OLR1: variants seen among roughly 807,000 people sequenced by gnomAD.
The protein encoded by OLR1 is oxidized low density lipoprotein receptor 1.
Under a neutral mutation model 31.7 loss-of-function variants are expected in OLR1, and 23 were observed. The ratio of observed to expected loss-of-function variants is 0.72; its 90% CI spans 0.52 to 1.03. The LOEUF is 1.03. Ranked by LOEUF, OLR1 falls within the 50% of genes least tolerant of loss-of-function variation. The pLI, the probability that OLR1 is intolerant of heterozygous loss-of-function variation, is 0.00. For synonymous variants in OLR1, 117 were observed against 115.8 expected (o/e 1.01, Z -0.07); for missense variants, 286 against 315.7 (o/e 0.91, Z 0.71).
At chr12:10,160,209 G>A (rs1387571098) in intron 5 of OLR1, 138 bp downstream of exon 5, 1 of 908,634 alleles carries the variant, frequency 1.1e-6, no homozygotes, top group Non-Finnish European at 1.7e-6. Context: ...GGTAAGGAAG[G>A]AGACTTTGAG....
upstream of OLR1, among the ~76,000 whole-genome samples, chr12:10,172,884 T>C (rs941049538): frequency 1.3e-5 from 2 of 152,182 alleles, no homozygotes; most frequent in African/African-American, 4.8e-5. Flanking sequence ...CTGATAACAT[T>C]GTTATAGGAA....
upstream of OLR1, among the ~76,000 whole-genome samples, chr12:10,175,879 C>G (rs1453270985): frequency 6.6e-6 from 1 of 152,210 alleles, no homozygotes; most frequent in Non-Finnish European, 1.5e-5. Flanking sequence ...CTGACTTAGG[C>G]AAGGTCAAAA....
intron 3 of OLR1, among the ~76,000 whole-genome samples, chr12:10,161,282 G>T (rs923421525): frequency 6.6e-6 from 1 of 152,146 alleles, no homozygotes; most frequent in Non-Finnish European, 1.5e-5. Flanking sequence ...TTCTCATTTA[G>T]CATTTTCACT....
At chr12:10,168,128 C>A (rs1019770687) in intron 2 of OLR1, among the ~76,000 whole-genome samples, 9 of 152,316 alleles carry the variant, frequency 5.9e-5, no homozygotes, top group African/African-American at 2.2e-4. Flanking sequence ...GTAGCCTAAA[C>A]AACTCAGTTC....
chr12:10,167,047 T>C, intron 2 of OLR1, 90 bp from the exon 3 acceptor site: 7 of 1,287,350 alleles, frequency 5.4e-6, no homozygotes, highest in Non-Finnish European at 7.5e-6. Flanking sequence ...GAATTAAATC[T>C]ATTTTGACAA....
chr12:10,160,668 A>T, intron 4 of OLR1, 118 bp downstream of exon 4: 1 of 1,340,574 alleles, frequency 7.5e-7, no homozygotes, highest in Non-Finnish European at 1.0e-6. Flanking sequence ...TGATCAGACT[A>T]AGCTAAAAAA....
chr12:10,164,770 G>A (rs1320966194), intron 3 of OLR1, among the ~76,000 whole-genome samples: 1 of 152,166 alleles, frequency 6.6e-6, no homozygotes, highest in Non-Finnish European at 1.5e-5. Context: ...AGTAGCTTCT[G>A]TAACAATATC....
chr12:10,168,647 C>T (rs1475060990), intron 2 of OLR1, among the ~76,000 whole-genome samples: 1 of 152,162 alleles, frequency 6.6e-6, no homozygotes, highest in Admixed American at 6.6e-5. Flanking sequence ...GCATGTGCCA[C>T]CACACCCGGC....
chr12:10,160,966 G>A lies in OLR1; in HGVS notation c.425-41C>T, dbSNP rs779696999. ...TATCTCATCAGTCAGTTATGTTTGT[G>A]TAAAAGCAGTACTGCAGTTCTTAAA... On this transcript the variant is annotated intron_variant, in intron 3 of 5. Coordinates refer to ENST00000309539, the MANE Select transcript of OLR1 (RefSeq NM_002543.4). 18 of 1,586,558 alleles carry A rather than the reference G, an allele frequency of 1.1e-5. No individual in the cohort carries two copies. The East Asian group carries it at 4.1e-4, about 36-fold the overall frequency.
chr12:10,158,377 A>G lies in OLR1; in HGVS notation c.*1503T>C, dbSNP rs1948591605. 6.6e-6 allele frequency: 1 copy of G among 152,248 alleles called. No homozygotes were observed. The highest frequency in any genetic ancestry group is 1.5e-5 in the Non-Finnish European group (1 of 68,046). 9.4% of individuals were successfully genotyped at this position (152,248 alleles called of 1,614,324 possible). A position where few individuals can be genotyped will look rare whatever the true frequency, so the allele number is the denominator to read the frequency against. On this transcript the variant is annotated 3_prime_UTR_variant, in exon 6 of 6. Coordinates refer to ENST00000309539, the MANE Select transcript of OLR1 (RefSeq NM_002543.4). ...CAACCCAAATGTCATCAACAAGTAA[A>G]TGGGTAAATGAATTGTGGTATATCC...
intron 2 of OLR1, among the ~76,000 whole-genome samples, chr12:10,168,583 T>C (rs1371897884): frequency 6.6e-6 from 1 of 152,170 alleles, no homozygotes; most frequent in Non-Finnish European, 1.5e-5. Context: ...AAATTCCACC[T>C]CCCCGGTTCA....
intron 3 of OLR1, among the ~76,000 whole-genome samples, chr12:10,161,504 A>T (rs1948619188): frequency 6.6e-6 from 1 of 152,212 alleles, no homozygotes. Context: ...GCTTTCAGAC[A>T]TGTGTTGTCT....
chr12:10,168,086 C>T (rs1047565988), intron 2 of OLR1, among the ~76,000 whole-genome samples: 1 of 152,102 alleles, frequency 6.6e-6, no homozygotes, highest in African/African-American at 2.4e-5. Flanking sequence ...AAGCAAATAG[C>T]ACTTCAATGG....
At chr12:10,172,947 A>G (rs1346360557), upstream of OLR1, among the ~76,000 whole-genome samples, 2 of 152,216 alleles carry the variant, frequency 1.3e-5, no homozygotes, top group Non-Finnish European at 2.9e-5. Context: ...TAGGTTTGTG[A>G]AAAATGTCAC....
intron 3 of OLR1, among the ~76,000 whole-genome samples, chr12:10,161,803 A>C (rs1269728914): frequency 6.6e-6 from 1 of 152,044 alleles, no homozygotes; most frequent in African/African-American, 2.4e-5. Flanking sequence ...TCCATTAAAA[A>C]TTTTTATACT....
intron 3 of OLR1, among the ~76,000 whole-genome samples, chr12:10,165,625 C>T (rs1449630698): frequency 6.6e-6 from 1 of 151,322 alleles, no homozygotes; most frequent in Admixed American, 6.6e-5. Context: ...TGGCAGAATT[C>T]TTCAAGAAAA....
rs763828543 is a variant in OLR1 at position 10,159,999 on chromosome 12, A to C, written c.703T>G (p.Ser235Ala). The part of the protein sequence containing the change: ...PHLFRVRGAV[S>A]QTYPSGTCAY... ...CAGGTACCTGAAGGGTATGTCTGGG[A>C]GACAGCGCCTCGGACTCTAAATCTG... is the stretch of plus-strand genomic sequence containing the variant. The change falls in exon 6 of 6, where the codon TCC becomes GCC. Residue 235 changes from serine to alanine, a missense_variant. Ser to Ala is a moderately conservative substitution (Grantham distance 99). Transcript: ENST00000309539. 33 of 1,612,746 alleles carry C rather than the reference A, an allele frequency of 2.0e-5. No homozygotes were observed. The highest frequency in any genetic ancestry group is 2.8e-5 in the Non-Finnish European group (33 of 1,179,182).
chr12:10,159,633 GA>G lies in OLR1; in HGVS notation c.*246del. On this transcript the variant is annotated 3_prime_UTR_variant, in exon 6 of 6. Transcript: ENST00000309539. ...GAGTCAAATTTTAAAATAAAAAGGG[GA>G]AAATGGACTTCAGGCTGGCAGGGAA... 3.0e-6 allele frequency: 1 copy of G among 336,814 alleles called. No homozygotes were observed. Among genetic ancestry groups the G allele is most frequent in the Non-Finnish European group, 5.6e-6 (1 of 178,876 alleles). The allele number at this position is 336,814 out of a possible 1,614,324, so 20.9% of individuals were successfully genotyped here.
chr12:10,167,308 T>C (rs1194467519), intron 2 of OLR1: 1 of 194,438 alleles, frequency 5.1e-6, no homozygotes, highest in African/African-American at 2.4e-5. Flanking sequence ...AAACCCCATC[T>C]CTACTAAAAA....
Sources: allele counts gnomAD v4.1 joint callset (sites outside exome capture counted in the v4.1 genomes callset), GRCh38; gene constraint gnomAD v4.1.1; transcripts MANE v1.5; gene names NCBI Gene and HGNC (gene_info 2026-07-23, HGNC 2026-07-21).